NDST3: variants seen among roughly 807,000 people sequenced by gnomAD.
The protein encoded by NDST3 is bifunctional heparan sulfate N-deacetylase/N-sulfotransferase 3.
NDST3 carries 58 observed loss-of-function variants against 96.1 expected under a neutral mutation model. The ratio of observed to expected loss-of-function variants is 0.60; its 90% CI spans 0.49 to 0.75. The LOEUF (loss-of-function observed/expected upper bound fraction) is 0.75. Among genes scored for constraint, NDST3 ranks in the 30% least tolerant of loss-of-function variants. The probability of loss-of-function intolerance (pLI) is 0.00; values close to 1 mark genes in which losing one functional copy is unlikely to be tolerated. For missense variants in NDST3, 788 were observed against 1,034.2 expected (o/e 0.76, Z 3.27); for synonymous variants, 333 against 359.7 (o/e 0.93, Z 0.84).
chr4:118,165,570 C>T (rs1458531105), intron 6 of NDST3, among the ~76,000 whole-genome samples: 1 of 151,910 alleles, frequency 6.6e-6, no homozygotes, highest in Non-Finnish European at 1.5e-5. Flanking sequence ...CCCAATTGAC[C>T]TGGCCAACTG....
At chr4:118,228,583 G>C (rs1445492399) in intron 8 of NDST3, among the ~76,000 whole-genome samples, 2 of 152,090 alleles carry the variant, frequency 1.3e-5, no homozygotes, top group African/African-American at 2.4e-5. Flanking sequence ...ATTTTTCCCA[G>C]TTTTGTTGAA....
chr4:118,170,838 T>G (rs61131365), intron 6 of NDST3, among the ~76,000 whole-genome samples: 11,930 of 152,260 alleles, frequency 0.078, 1,105 homozygotes, highest in African/African-American at 0.23. Flanking sequence ...TCTATAGATT[T>G]AGGATATTTT....
intron 1 of NDST3, among the ~76,000 whole-genome samples, chr4:118,048,470 C>A (rs1724893291): frequency 6.6e-6 from 1 of 152,114 alleles, no homozygotes; most frequent in Non-Finnish European, 1.5e-5. Flanking sequence ...CATTTGCTGT[C>A]TTCATGAGAC....
chr4:118,047,821 T>C (rs1338190492), intron 1 of NDST3, among the ~76,000 whole-genome samples: 8 of 152,142 alleles, frequency 5.3e-5, no homozygotes, highest in Admixed American at 2.0e-4. Context: ...TATATTTGAG[T>C]ATATTTCCCT....
chr4:118,063,044 G>C (rs906112744), intron 2 of NDST3, among the ~76,000 whole-genome samples: 2 of 151,936 alleles, frequency 1.3e-5, no homozygotes, highest in African/African-American at 4.8e-5. Context: ...TACAAAATTA[G>C]CCAGGAGTGG....
At chr4:118,063,545 T>G (rs1726068580) in intron 2 of NDST3, among the ~76,000 whole-genome samples, 1 of 152,198 alleles carries the variant, frequency 6.6e-6, no homozygotes, top group African/African-American at 2.4e-5. Context: ...TAACATTCCA[T>G]GTTTCTAGAA....
intron 2 of NDST3, among the ~76,000 whole-genome samples, chr4:118,072,710 C>G (rs1475844013): frequency 6.6e-6 from 1 of 151,906 alleles, no homozygotes; most frequent in African/African-American, 2.4e-5. Flanking sequence ...TATTTGGATG[C>G]CTTTTGTTTC....
chr4:118,149,206 T>C (rs1578729025), intron 6 of NDST3, among the ~76,000 whole-genome samples: 2 of 152,184 alleles, frequency 1.3e-5, no homozygotes, highest in East Asian at 3.8e-4. Context: ...CCAGCTTTGT[T>C]CTTTTGGCTT....
chr4:118,248,017 A>C (rs919650343), intron 12 of NDST3, among the ~76,000 whole-genome samples: 4 of 152,220 alleles, frequency 2.6e-5, no homozygotes, highest in African/African-American at 7.2e-5. Context: ...TTGTACGATT[A>C]ACCCGCACGA....
chr4:118,129,102 T>C (rs770414330), intron 4 of NDST3, among the ~76,000 whole-genome samples: 18 of 151,966 alleles, frequency 1.2e-4, no homozygotes, highest in Non-Finnish European at 2.4e-4. Flanking sequence ...ATCTGGCTAA[T>C]GGTTTGCTGA....
intron 5 of NDST3, 56 bp downstream of exon 5, chr4:118,138,295 C>T (rs1458856670): frequency 7.0e-7 from 1 of 1,437,132 alleles, no homozygotes; most frequent in South Asian, 1.4e-5. Context: ...TTTCATTCCT[C>T]ACTTGAAGAA....
At chr4:118,124,765 A>C (rs1467195492) in intron 4 of NDST3, among the ~76,000 whole-genome samples, 1 of 152,102 alleles carries the variant, frequency 6.6e-6, no homozygotes, top group Non-Finnish European at 1.5e-5. Flanking sequence ...GTAACTCCAG[A>C]GTGATAAGGT....
intron 2 of NDST3, among the ~76,000 whole-genome samples, chr4:118,062,227 A>C (rs1302009346): frequency 2.0e-5 from 3 of 152,138 alleles, no homozygotes; most frequent in Non-Finnish European, 4.4e-5. Flanking sequence ...GATTTTATGC[A>C]TTGTAAATGT....
At chr4:118,250,353 A>C (rs1741610912) in intron 12 of NDST3, among the ~76,000 whole-genome samples, 1 of 152,210 alleles carries the variant, frequency 6.6e-6, no homozygotes, top group Non-Finnish European at 1.5e-5. Context: ...AAAATCAGTC[A>C]TTCTACTGAG....
chr4:118,068,093 A>C (rs1726744395), intron 2 of NDST3, among the ~76,000 whole-genome samples: 3 of 151,866 alleles, frequency 2.0e-5, no homozygotes, highest in Admixed American at 6.6e-5. Flanking sequence ...CTAAGGAGCA[A>C]AGTTATTACT....
At position 118,200,958 on chromosome 4, in the gene NDST3, C is replaced by A. The variant is rs538664345; in HGVS notation, c.1540-23533C>A. Among the ~76,000 whole-genome samples, 4 of 152,164 alleles carry A rather than the reference C, an allele frequency of 2.6e-5. No homozygotes were observed. The East Asian group carries it at 5.8e-4, about 22-fold the overall frequency. On this transcript the variant is annotated intron_variant, in intron 6 of 13. Transcript: ENST00000296499. ...CCACCCACTCCCAAGCTCGAGTAGT[C>A]CACAGTGTCTATCGTTCTAATATTT...
intron 6 of NDST3, among the ~76,000 whole-genome samples, chr4:118,155,524 T>C (rs186948232): frequency 1.2e-4 from 18 of 152,368 alleles, no homozygotes; most frequent in Admixed American, 7.2e-4. Context: ...TAAATGATTA[T>C]CTTACTTGTT....
chr4:118,045,756 C>T (rs147669648), intron 1 of NDST3, among the ~76,000 whole-genome samples: 17 of 152,160 alleles, frequency 1.1e-4, no homozygotes, highest in African/African-American at 3.1e-4. Flanking sequence ...AGCAGATGTG[C>T]GATAGACTCT....
chr4:118,134,962 C>T (rs1011140435), intron 4 of NDST3, among the ~76,000 whole-genome samples: 2 of 152,140 alleles, frequency 1.3e-5, no homozygotes, highest in African/African-American at 4.8e-5. Context: ...TGTGCTTAAT[C>T]TCAAATCGAA....
Sources: allele counts gnomAD v4.1 joint callset (sites outside exome capture counted in the v4.1 genomes callset), GRCh38; gene constraint gnomAD v4.1.1; transcripts MANE v1.5; gene names NCBI Gene and HGNC (gene_info 2026-07-23, HGNC 2026-07-21).